Variants in PYHIN1 observed in about 807,000 individuals in gnomAD.
The protein encoded by PYHIN1 is pyrin and HIN domain-containing protein 1.
PYHIN1 carries 32 observed loss-of-function variants against 43.7 expected under a neutral mutation model. The ratio of observed to expected loss-of-function variants is 0.73; its 90% CI spans 0.55 to 0.98. The LOEUF (loss-of-function observed/expected upper bound fraction) is 0.98, where lower values mean the gene tolerates loss of function less well. Ranked by LOEUF, PYHIN1 falls within the 50% of genes least tolerant of loss-of-function variation. The pLI, the probability that PYHIN1 is intolerant of heterozygous loss-of-function variation, is 0.00. For missense variants in PYHIN1, 588 were observed against 589.5 expected, an observed-to-expected ratio of 1.00 and a Z score of 0.03; for synonymous variants, 205 against 203.1, an observed-to-expected ratio of 1.01 and a Z score of -0.08.
chr1:158,955,845 TA>T (rs1337286693), intron 7 of PYHIN1, among the ~76,000 whole-genome samples: 8 of 76,868 alleles, frequency 1.0e-4, no homozygotes, highest in Admixed American at 8.8e-4. Context: ...ACAAAATTGA[TA>T]GACCGCTAGC....
At chr1:158,952,106 C>T (rs1308702047) in intron 7 of PYHIN1, among the ~76,000 whole-genome samples, 22 of 121,566 alleles carry the variant, frequency 1.8e-4, no homozygotes, top group African/African-American at 5.8e-4. Context: ...TTGCCTGTGT[C>T]GGTTTTTTTT....
chr1:158,973,614 G>A (rs759715798), intron 7 of PYHIN1, 33 bp from the exon 8 acceptor site: 1 of 1,610,702 alleles, frequency 6.2e-7, no homozygotes. Context: ...GTCATAAAGT[G>A]AAAGACTAAA....
intron 1 of PYHIN1, among the ~76,000 whole-genome samples, chr1:158,934,740 G>T (rs576427521): frequency 6.6e-6 from 1 of 151,862 alleles, no homozygotes; most frequent in Non-Finnish European, 1.5e-5. Flanking sequence ...TATTTTTATC[G>T]AGGTGGAGTT....
chr1:158,984,993 T>A, the PYHIN1 span, among the ~76,000 whole-genome samples: 1 of 152,180 alleles, frequency 6.6e-6, no homozygotes, highest in Non-Finnish European at 1.5e-5. Flanking sequence ...CTATTTTGTT[T>A]GTTTTCCATT....
At chr1:158,938,902 C>G (rs1648724835) in intron 3 of PYHIN1, among the ~76,000 whole-genome samples, 178 bp from the exon 4 acceptor site, 1 of 152,196 alleles carries the variant, frequency 6.6e-6, no homozygotes, top group African/African-American at 2.4e-5. Context: ...GTTACTTTCT[C>G]TGCTCCCTTT....
At chr1:158,971,650 T>A (rs1197130178) in intron 7 of PYHIN1, among the ~76,000 whole-genome samples, 1 of 152,042 alleles carries the variant, frequency 6.6e-6, no homozygotes, top group Non-Finnish European at 1.5e-5. Flanking sequence ...AAGTGCAAAC[T>A]ACAGGAATCC....
At chr1:158,985,367 T>C in the PYHIN1 span, among the ~76,000 whole-genome samples, 20 of 152,180 alleles carry the variant, frequency 1.3e-4, no homozygotes, top group Non-Finnish European at 1.5e-5. Context: ...ATTCGCTTAG[T>C]GTTTGTTTGT....
intron 8 of PYHIN1, among the ~76,000 whole-genome samples, chr1:158,974,804 A>G (rs1651155074): frequency 6.6e-6 from 1 of 152,062 alleles, no homozygotes; most frequent in African/African-American, 2.4e-5. Flanking sequence ...CGTCCTCTTT[A>G]GCCATCTTGG....
the PYHIN1 span, among the ~76,000 whole-genome samples, chr1:158,988,757 T>G: frequency 6.6e-6 from 1 of 152,128 alleles, no homozygotes; most frequent in Non-Finnish European, 1.5e-5. Flanking sequence ...AGGAGAGAGA[T>G]AAACTGAAGA....
At chr1:158,964,579 T>C (rs935932293) in intron 7 of PYHIN1, among the ~76,000 whole-genome samples, 6 of 152,298 alleles carry the variant, frequency 3.9e-5, no homozygotes, top group African/African-American at 1.2e-4. Flanking sequence ...TTGGGACCTA[T>C]ATTCAGCATT....
chr1:158,971,727 C>G (rs1228913414), intron 7 of PYHIN1, among the ~76,000 whole-genome samples: 1 of 151,868 alleles, frequency 6.6e-6, no homozygotes, highest in Non-Finnish European at 1.5e-5. Flanking sequence ...AACTTACTAC[C>G]CTTATAACTT....
At position 158,943,987 on chromosome 1, in the gene PYHIN1, T is replaced by A; in HGVS notation, c.1191+9T>A. 6.4e-7 allele frequency: 1 copy of A among 1,561,282 alleles called. No homozygotes were observed. The highest frequency in any genetic ancestry group is 1.8e-5 in the Admixed American group (1 of 55,144). On this transcript the variant is annotated intron_variant, in intron 6 of 8. Coordinates refer to ENST00000368140, the MANE Select transcript of PYHIN1 (RefSeq NM_152501.5). The stretch of plus-strand genomic sequence containing the variant: ...TGCATAGTTTCATCCAGGTGAGAAA[T>A]AAAGAAACAAATATTAGTTTTCCAA...
Position 158,945,107 on chromosome 1 carries a change from T to C in PYHIN1, c.1359+65T>C, listed in dbSNP as rs570082685. On this transcript the variant is annotated intron_variant, in intron 7 of 8. Coordinates refer to ENST00000368140, the MANE Select transcript of PYHIN1 (RefSeq NM_152501.5). ...ATAAATTACAAGGATCATTAGATTG[T>C]TGAAAGAGTTTCTCTTCTAATCCCT... The C allele has an allele frequency of 3.4e-5, 50 of 1,466,950 alleles. No individual in the cohort carries two copies. In the South Asian group the frequency reaches 6.3e-4, roughly 19 times the overall value. The allele number at this position is 1,466,950 out of a possible 1,614,324, so 90.9% of individuals were successfully genotyped here.
chr1:158,934,761 C>T (rs974724595), intron 1 of PYHIN1, among the ~76,000 whole-genome samples: 1 of 152,080 alleles, frequency 6.6e-6, no homozygotes, highest in Admixed American at 6.6e-5. Context: ...TTGCTCTTGT[C>T]ACTCAGGCTG....
intron 7 of PYHIN1, among the ~76,000 whole-genome samples, chr1:158,947,508 A>T (rs1420897649): frequency 2.0e-5 from 3 of 152,066 alleles, no homozygotes; most frequent in East Asian, 1.9e-4. Context: ...TCTCTAACCC[A>T]CCTCTCCAGC....
At chr1:158,989,044 T>C in the PYHIN1 span, among the ~76,000 whole-genome samples, 1 of 152,214 alleles carries the variant, frequency 6.6e-6, no homozygotes, top group Non-Finnish European at 1.5e-5. Context: ...TTTGGACTTG[T>C]TTGGGACCTG....
chr1:158,941,011 A>G (rs376512206), intron 4 of PYHIN1, among the ~76,000 whole-genome samples: 4 of 152,278 alleles, frequency 2.6e-5, no homozygotes, highest in Admixed American at 2.6e-4. Context: ...TCATGGATGG[A>G]TCTACGGTTA....
downstream of PYHIN1, among the ~76,000 whole-genome samples, chr1:158,981,348 G>A (rs6662562): frequency 0.42 from 63,652 of 151,948 alleles, 14,307 homozygotes; most frequent in East Asian, 0.55. Context: ...GCAGGCACCT[G>A]TAGTCTCAGC....
chr1:158,969,541 T>C (rs935378273), intron 7 of PYHIN1, among the ~76,000 whole-genome samples: 1 of 152,040 alleles, frequency 6.6e-6, no homozygotes, highest in Non-Finnish European at 1.5e-5. Context: ...TTGCTGCTTT[T>C]GTTCTTTTTG....
Sources: allele counts gnomAD v4.1 joint callset (sites outside exome capture counted in the v4.1 genomes callset), GRCh38; gene constraint gnomAD v4.1.1; transcripts MANE v1.5; gene names NCBI Gene and HGNC (gene_info 2026-07-23, HGNC 2026-07-21).